IL1RAPL2: variants seen among roughly 807,000 people sequenced by gnomAD.
IL1RAPL2 encodes X-linked interleukin-1 receptor accessory protein-like 2.
Under a neutral mutation model 44.1 loss-of-function variants are expected in IL1RAPL2, and 3 were observed. The ratio of observed to expected loss-of-function variants is 0.07; its 90% CI spans 0.03 to 0.18. IL1RAPL2 has a LOEUF of 0.18. IL1RAPL2 is among the 10% of genes least tolerant of loss of function. The pLI is 1.00. For missense variants in IL1RAPL2, 391 were observed against 496.4 expected (o/e 0.79, Z 2.02); for synonymous variants, 181 against 178.8 (o/e 1.01, Z -0.10).
intron 2 of IL1RAPL2, among the ~76,000 whole-genome samples, chrX:104,856,493 A>G (rs1922366861): frequency 8.9e-6 from 1 of 112,178 alleles, no homozygotes; most frequent in Non-Finnish European, 1.9e-5. Context: ...TGAAATTGGT[A>G]AGAAATTGTT....
intron 5 of IL1RAPL2, among the ~76,000 whole-genome samples, chrX:105,413,328 A>C (rs947483036): frequency 1.8e-5 from 2 of 111,634 alleles, no homozygotes; most frequent in Non-Finnish European, 3.8e-5. Flanking sequence ...GCTATTAATT[A>C]GCTGACCTTG....
chrX:104,821,242 T>A, intron 2 of IL1RAPL2, among the ~76,000 whole-genome samples: 2 of 110,289 alleles, frequency 1.8e-5, no homozygotes, highest in Non-Finnish European at 3.8e-5. Flanking sequence ...GTAAATCTGT[T>A]TTTTTTTTAA....
intron 5 of IL1RAPL2, among the ~76,000 whole-genome samples, chrX:105,420,715 A>G (rs17332274): frequency 0.13 from 14,997 of 111,810 alleles, 1,017 homozygotes; most frequent in Middle Eastern, 0.24. Flanking sequence ...TTGGCTGAGT[A>G]TTTAAGATTA....
intron 2 of IL1RAPL2, among the ~76,000 whole-genome samples, chrX:105,111,782 G>C (rs1163506945): frequency 3.6e-5 from 4 of 111,364 alleles, no homozygotes; most frequent in African/African-American, 9.8e-5. Context: ...CATTTTTTCT[G>C]GTTGTTGTTG....
At chrX:104,635,687 G>A (rs1416715379) in intron 1 of IL1RAPL2, among the ~76,000 whole-genome samples, 4 of 111,657 alleles carry the variant, frequency 3.6e-5, no homozygotes, top group African/African-American at 1.3e-4. Flanking sequence ...GTGGTTTTCA[G>A]CTCCATCAGC....
intron 2 of IL1RAPL2, among the ~76,000 whole-genome samples, chrX:104,702,846 A>C (rs1368284299): frequency 2.7e-5 from 3 of 111,844 alleles, no homozygotes; most frequent in African/African-American, 9.8e-5. Flanking sequence ...GAAAAAGCAA[A>C]GCCTTGGAAT....
At chrX:105,702,868 G>T (rs1036738019) in intron 6 of IL1RAPL2, among the ~76,000 whole-genome samples, 2 of 111,765 alleles carry the variant, frequency 1.8e-5, no homozygotes, top group African/African-American at 6.5e-5. Context: ...TGGTTGTAAG[G>T]ATCAAAGAAG....
intron 2 of IL1RAPL2, among the ~76,000 whole-genome samples, chrX:105,050,825 T>G (rs1281399953): frequency 8.9e-6 from 1 of 112,240 alleles, no homozygotes; most frequent in Non-Finnish European, 1.9e-5. Context: ...GAGGAGGCCC[T>G]GGAGAGGGTG....
intron 5 of IL1RAPL2, among the ~76,000 whole-genome samples, chrX:105,337,508 A>G (rs2035037253): frequency 8.9e-6 from 1 of 112,279 alleles, no homozygotes; most frequent in Admixed American, 9.5e-5. Context: ...CTGTGGATTA[A>G]TGAGGGAGAA....
At chrX:105,113,091 A>G (rs759512869) in intron 2 of IL1RAPL2, among the ~76,000 whole-genome samples, 1 of 112,602 alleles carries the variant, frequency 8.9e-6, no homozygotes, top group African/African-American at 3.2e-5. Context: ...TGATACAGGG[A>G]CAAATGGCTG....
At chrX:104,963,932 TGTGAGAGA>T (rs775663864) in intron 2 of IL1RAPL2, among the ~76,000 whole-genome samples, 1 of 81,209 alleles carries the variant, frequency 1.2e-5, no homozygotes, top group African/African-American at 4.7e-5. Flanking sequence ...TGTGTGTGTG[TGTGAGAGA>T]GAGAGAGAGA....
At chrX:105,034,443 G>A (rs1276641048) in intron 2 of IL1RAPL2, among the ~76,000 whole-genome samples, 2 of 112,240 alleles carry the variant, frequency 1.8e-5, no homozygotes, top group South Asian at 3.7e-4. Flanking sequence ...CCTTCTTACA[G>A]ACAGGACCCT....
intron 2 of IL1RAPL2, among the ~76,000 whole-genome samples, chrX:105,058,555 GA>G (rs1266283083): frequency 8.9e-6 from 1 of 112,124 alleles, no homozygotes; most frequent in Non-Finnish European, 1.9e-5. Flanking sequence ...GTCAATAAGA[GA>G]AAATCAGCCA....
chrX:104,631,519 A>G (rs1929649410), intron 1 of IL1RAPL2, among the ~76,000 whole-genome samples: 1 of 111,028 alleles, frequency 9.0e-6, no homozygotes, highest in Non-Finnish European at 1.9e-5. Flanking sequence ...TGACTTTTTA[A>G]TGATCGCCAT....
chrX:104,717,128 C>CA (rs1931583825), intron 2 of IL1RAPL2, among the ~76,000 whole-genome samples: 1 of 111,617 alleles, frequency 9.0e-6, no homozygotes, highest in African/African-American at 3.3e-5. Context: ...GGCATGGATG[C>CA]AGCTGAAGGC....
intron 5 of IL1RAPL2, among the ~76,000 whole-genome samples, chrX:105,439,517 C>CAAA (rs11337790): frequency 7.4e-4 from 44 of 59,094 alleles, no homozygotes; most frequent in African/African-American, 2.0e-3. Context: ...TTTTGCTGTA[C>CAAA]AAAAAAAAAA....
intron 2 of IL1RAPL2, among the ~76,000 whole-genome samples, chrX:104,827,061 G>A (rs1385476313): frequency 9.7e-6 from 1 of 102,989 alleles, no homozygotes; most frequent in African/African-American, 3.6e-5. Context: ...CACACCGATT[G>A]GTCTTGACTC....
chrX:104,941,170 C>T (rs1163825296), intron 2 of IL1RAPL2, among the ~76,000 whole-genome samples: 1 of 110,564 alleles, frequency 9.0e-6, no homozygotes, highest in African/African-American at 3.3e-5. Flanking sequence ...CATATGTGTG[C>T]ACGTGTCTTT....
At chrX:105,541,676 T>C (rs2036736715) in intron 6 of IL1RAPL2, among the ~76,000 whole-genome samples, 1 of 111,013 alleles carries the variant, frequency 9.0e-6, no homozygotes, top group Non-Finnish European at 1.9e-5. Flanking sequence ...CCACTTCCTC[T>C]TCCCTGGTTC....
Sources: gnomAD v4.1 joint callset for allele counts (sites outside exome capture counted in the v4.1 genomes callset) on GRCh38, gnomAD v4.1.1 for gene constraint, MANE v1.5 for transcripts, NCBI Gene and HGNC (gene_info 2026-07-23, HGNC 2026-07-21) for gene names.